Variants in DSCAM observed in about 807,000 individuals in gnomAD.
The protein encoded by DSCAM is cell adhesion molecule DSCAM.
In DSCAM, 47 loss-of-function variants were observed where a neutral mutation model predicts 217.7. The ratio of observed to expected loss-of-function variants is 0.22; its 90% CI spans 0.17 to 0.28. The LOEUF (loss-of-function observed/expected upper bound fraction) is 0.28. Among genes scored for constraint, DSCAM ranks in the 10% least tolerant of loss-of-function variants. The probability of loss-of-function intolerance (pLI) is 1.00; values close to 1 mark genes in which losing one functional copy is unlikely to be tolerated. For synonymous variants in DSCAM, 1,056 were observed against 1,015.3 expected (o/e 1.04, Z -0.76); for missense variants, 2,080 against 2,618.3 (o/e 0.79, Z 4.49).
intron 11 of DSCAM, among the ~76,000 whole-genome samples, chr21:40,222,504 T>C (rs1279641683): frequency 6.6e-6 from 1 of 152,222 alleles, no homozygotes; most frequent in African/African-American, 2.4e-5. Context: ...GATCTGAAAA[T>C]GCTATTAAGC....
chr21:40,738,722 C>T (rs2091090407), intron 1 of DSCAM, among the ~76,000 whole-genome samples: 1 of 152,220 alleles, frequency 6.6e-6, no homozygotes, highest in Non-Finnish European at 1.5e-5. Context: ...TTGCGCATCT[C>T]ACAAATCATC....
chr21:40,845,540 C>CCTCTCTCTCTCTCTCTCTCTCTCTCTCT (rs71332310), intron 1 of DSCAM, among the ~76,000 whole-genome samples: 11 of 138,982 alleles, frequency 7.9e-5, no homozygotes, highest in African/African-American at 3.0e-4. Flanking sequence ...CTCTTCTTCT[C>CCTCTCTCTCTCTCTCTCTCTCTCTCTCT]CTCTCTCTCT....
chr21:40,493,170 C>A (rs2146017306), intron 3 of DSCAM, among the ~76,000 whole-genome samples: 1 of 152,290 alleles, frequency 6.6e-6, no homozygotes, highest in East Asian at 1.9e-4. Context: ...AATCTCTATA[C>A]TTTTACTCTT....
chr21:40,559,813 G>C (rs2076704339), intron 3 of DSCAM, among the ~76,000 whole-genome samples: 1 of 116,254 alleles, frequency 8.6e-6, no homozygotes, highest in Non-Finnish European at 1.7e-5. Context: ...TTTTCTTTGA[G>C]ATGGAGTCTC....
At chr21:40,166,175 C>T (rs1374538685) in intron 16 of DSCAM, among the ~76,000 whole-genome samples, 1 of 152,040 alleles carries the variant, frequency 6.6e-6, no homozygotes, top group Non-Finnish European at 1.5e-5. Context: ...AACAAACAAA[C>T]AATCAAACAA....
intron 3 of DSCAM, among the ~76,000 whole-genome samples, chr21:40,476,736 G>T (rs2075939723): frequency 6.6e-6 from 1 of 152,052 alleles, no homozygotes; most frequent in African/African-American, 2.4e-5. Context: ...AGCTTTGATG[G>T]GAAGGGCTCA....
intron 20 of DSCAM, among the ~76,000 whole-genome samples, chr21:40,122,482 T>C (rs984445121): frequency 3.3e-5 from 5 of 152,174 alleles, no homozygotes; most frequent in African/African-American, 7.2e-5. Flanking sequence ...AAAATGAGTA[T>C]ACTTTATTTC....
At chr21:40,051,854 C>T (rs1415260700) in intron 30 of DSCAM, 104 bp downstream of exon 30, 95 of 1,431,172 alleles carry the variant, frequency 6.6e-5, no homozygotes, top group Non-Finnish European at 7.9e-5. Context: ...GTTTCTCAGG[C>T]ATAGGTATGA....
At chr21:40,664,761 C>T (rs1349002851) in intron 3 of DSCAM, among the ~76,000 whole-genome samples, 3 of 152,116 alleles carry the variant, frequency 2.0e-5, no homozygotes, top group Admixed American at 6.5e-5. Context: ...GACTTTTGTT[C>T]AGAGGAGAAG....
chr21:40,823,502 T>A (rs1601313548), intron 1 of DSCAM, among the ~76,000 whole-genome samples: 1 of 152,162 alleles, frequency 6.6e-6, no homozygotes, highest in Non-Finnish European at 1.5e-5. Context: ...AAATGGATAT[T>A]TGGGTGATAC....
intron 3 of DSCAM, among the ~76,000 whole-genome samples, chr21:40,572,874 TAGG>T (rs1253782944): frequency 6.6e-6 from 1 of 152,244 alleles, no homozygotes; most frequent in South Asian, 2.1e-4. Flanking sequence ...TCAAAGAACA[TAGG>T]AGATTTTAAT....
At chr21:40,655,575 T>C (rs1029330973) in intron 3 of DSCAM, among the ~76,000 whole-genome samples, 2 of 151,960 alleles carry the variant, frequency 1.3e-5, no homozygotes, top group African/African-American at 2.4e-5. Context: ...CCCAAGTGGC[T>C]AGGACTACAG....
chr21:40,198,592 C>T (rs1347911537), intron 11 of DSCAM, among the ~76,000 whole-genome samples: 1 of 152,242 alleles, frequency 6.6e-6, no homozygotes, highest in Non-Finnish European at 1.5e-5. Flanking sequence ...GTGCCACACC[C>T]AGAAATGTTA....
chr21:40,028,464 A>T (rs1009408125), intron 32 of DSCAM, among the ~76,000 whole-genome samples: 1 of 151,768 alleles, frequency 6.6e-6, no homozygotes, highest in Non-Finnish European at 1.5e-5. Context: ...GCCACCTTGC[A>T]GTTTGATCTC....
intron 4 of DSCAM, among the ~76,000 whole-genome samples, chr21:40,358,892 G>T (rs1419720618): frequency 6.7e-6 from 1 of 148,506 alleles, no homozygotes; most frequent in Admixed American, 6.7e-5. Context: ...TTCTAATAAA[G>T]AACTCAAATC....
chr21:40,458,414 T>G (rs1450474501), intron 3 of DSCAM, among the ~76,000 whole-genome samples: 1 of 152,108 alleles, frequency 6.6e-6, no homozygotes, highest in Non-Finnish European at 1.5e-5. Flanking sequence ...AGGTAATATG[T>G]TAAAAGCAAT....
At chr21:40,072,171 C>T (rs115356643) in intron 27 of DSCAM, among the ~76,000 whole-genome samples, 52 of 152,276 alleles carry the variant, frequency 3.4e-4, no homozygotes, top group African/African-American at 1.2e-3. Flanking sequence ...TAGAAATGGT[C>T]AACCAGCAAA....
At chr21:40,068,812 G>A (rs574311417) in intron 27 of DSCAM, among the ~76,000 whole-genome samples, 2 of 152,276 alleles carry the variant, frequency 1.3e-5, no homozygotes, top group African/African-American at 2.4e-5. Context: ...ATGGCTGGAC[G>A]CAGTGGCTCA....
At chr21:40,584,717 C>A (rs1034616946) in intron 3 of DSCAM, among the ~76,000 whole-genome samples, 1 of 152,108 alleles carries the variant, frequency 6.6e-6, no homozygotes, top group Non-Finnish European at 1.5e-5. Context: ...GGGGTTCTCT[C>A]GGTCCAGGAA....
Sources: gnomAD v4.1 joint callset for allele counts (sites outside exome capture counted in the v4.1 genomes callset) on GRCh38, gnomAD v4.1.1 for gene constraint, MANE v1.5 for transcripts, NCBI Gene and HGNC (gene_info 2026-07-23, HGNC 2026-07-21) for gene names.